Variants in PALLD observed in about 807,000 individuals in gnomAD.
PALLD encodes palladin, cytoskeletal associated protein.
Under a neutral mutation model 123.5 loss-of-function variants are expected in PALLD, and 61 were observed. The ratio of observed to expected loss-of-function variants is 0.49; its 90% confidence interval spans 0.40 to 0.61. The LOEUF (loss-of-function observed/expected upper bound fraction) is 0.61. PALLD is among the 20% of genes least tolerant of loss of function. PALLD has a pLI of 0.00. For synonymous variants in PALLD, 465 were observed against 496.4 expected (o/e 0.94, Z 0.84); for missense variants, 1,273 against 1,377.0 (o/e 0.92, Z 1.20).
chr4:168,693,067 T>A (rs1380557611), intron 8 of PALLD, among the ~76,000 whole-genome samples: 1 of 152,212 alleles, frequency 6.6e-6, no homozygotes, highest in East Asian at 1.9e-4. Flanking sequence ...CTTCATCACT[T>A]ATCCTACATA....
chr4:168,888,025 T>C (rs1228371611), intron 10 of PALLD, among the ~76,000 whole-genome samples: 2 of 152,144 alleles, frequency 1.3e-5, no homozygotes, highest in Non-Finnish European at 2.9e-5. Flanking sequence ...GGACATCCTT[T>C]CCAAGGAGTC....
At chr4:168,639,619 C>A (rs1450460917) in intron 2 of PALLD, among the ~76,000 whole-genome samples, 1 of 151,390 alleles carries the variant, frequency 6.6e-6, no homozygotes, top group African/African-American at 2.4e-5. Flanking sequence ...TCTTGGCTCA[C>A]TGCAAGCTCC....
chr4:168,529,237 T>C (rs1402661503), intron 2 of PALLD, among the ~76,000 whole-genome samples: 1 of 151,722 alleles, frequency 6.6e-6, no homozygotes, highest in Non-Finnish European at 1.5e-5. Flanking sequence ...CTCTGGAGAC[T>C]AAGGCAAGAG....
chr4:168,663,834 C>A (rs1779362175), intron 2 of PALLD, among the ~76,000 whole-genome samples: 1 of 152,094 alleles, frequency 6.6e-6, no homozygotes, highest in South Asian at 2.1e-4. Flanking sequence ...AACTAGAAAT[C>A]AACTACTTCT....
chr4:168,557,031 G>GTTTTTGTTTTGTTTTGTTT (rs1767386507), intron 2 of PALLD, among the ~76,000 whole-genome samples: 1 of 77,342 alleles, frequency 1.3e-5, no homozygotes, highest in Non-Finnish European at 3.0e-5. Context: ...ATTTCCACTT[G>GTTTTTGTTTTGTTTTGTTT]TTTTTGTTTT....
rs886059211 is a variant in PALLD, at chr4:168,927,001, AT to A, written c.*829del. On this transcript the variant is annotated 3_prime_UTR_variant, in exon 22 of 22. Coordinates refer to ENST00000505667, the MANE Select transcript of PALLD (RefSeq NM_001166108.2). Reference sequence around the variant, plus strand: ...CAAGGTTAATACCTTAGTTCTTAACATTTTTTTTCTTTATGTGTAGTGTTTT... The same window carrying A: ...CAAGGTTAATACCTTAGTTCTTAACATTTTTTTCTTTATGTGTAGTGTTTT... 2.6e-4 allele frequency: 58 copies of A among 219,050 alleles called. No individual in the cohort carries two copies. Among genetic ancestry groups the A allele is most frequent in the Non-Finnish European group, 1.4e-4 (15 of 108,792 alleles). 13.6% of individuals were successfully genotyped at this position (219,050 alleles called of 1,614,324 possible). A position where few individuals can be genotyped will look rare whatever the true frequency, so the allele number is the denominator to read the frequency against.
In PALLD at chr4:168,918,276, T is replaced by C. The variant is rs569164156; in HGVS notation, c.2850+2249T>C. On this transcript the variant is annotated intron_variant, in intron 17 of 21. Coordinates refer to ENST00000505667, the MANE Select transcript of PALLD (RefSeq NM_001166108.2). ...GCAGCACTATTCATAATAGCCAGGA[T>C]ACGGGATCAGCCTAAGTGTCAACAG... Among the ~76,000 whole-genome samples the C allele has an allele frequency of 8.3e-4, 126 of 151,032 alleles. 1 individual carries two copies. Among genetic ancestry groups the C allele is most frequent in the African/African-American group, 2.7e-3 (111 of 41,270 alleles).
At chr4:168,668,557 A>G (rs1254099985) in intron 3 of PALLD, among the ~76,000 whole-genome samples, 189 bp downstream of exon 3, 3 of 152,240 alleles carry the variant, frequency 2.0e-5, no homozygotes, top group African/African-American at 7.2e-5. Flanking sequence ...ACTATCTCTG[A>G]TGTCAACATT....
intron 10 of PALLD, among the ~76,000 whole-genome samples, chr4:168,728,014 G>T (rs2150294986): frequency 6.6e-6 from 1 of 150,926 alleles, no homozygotes; most frequent in Non-Finnish European, 1.5e-5. Context: ...AAGATCAAAT[G>T]GTTGTTTGTG....
At chr4:168,609,345 CAA>C (rs5863949) in intron 2 of PALLD, among the ~76,000 whole-genome samples, 2 of 71,590 alleles carry the variant, frequency 2.8e-5, no homozygotes, top group Admixed American at 1.7e-4. Context: ...AAGCTGTTAC[CAA>C]AAAAAAAAAA....
chr4:168,701,005 G>A (rs912737474), intron 8 of PALLD: 1 of 152,136 alleles, frequency 6.6e-6, no homozygotes, highest in African/African-American at 2.4e-5. Context: ...TCAATAGATA[G>A]ATAGATATTA....
At chr4:168,647,353 CTG>C (rs1561345279) in intron 2 of PALLD, among the ~76,000 whole-genome samples, 2 of 152,138 alleles carry the variant, frequency 1.3e-5, no homozygotes, top group Non-Finnish European at 2.9e-5. Flanking sequence ...CTACAATGGA[CTG>C]TGTTTTTTCT....
rs114013237 is a variant in PALLD at position 168,784,426 on chromosome 4, G to A, written c.1964+72503G>A. Among the ~76,000 whole-genome samples, 793 of 152,298 alleles carry A rather than the reference G, an allele frequency of 5.2e-3. 7 individuals carry two copies. The highest frequency in any genetic ancestry group is 0.017 in the African/African-American group (722 of 41,564). ...GCCACTGCAGGAGTGAGGAAGCCACGTGGGAGAATTATTTTGTGGGAAAAG... is the reference window on the plus strand; with the variant it reads ...GCCACTGCAGGAGTGAGGAAGCCACATGGGAGAATTATTTTGTGGGAAAAG... On this transcript the variant is annotated intron_variant, in intron 10 of 21. Transcript: ENST00000505667.
intron 2 of PALLD, among the ~76,000 whole-genome samples, chr4:168,537,347 C>A (rs1276888757): frequency 6.6e-6 from 1 of 152,152 alleles, no homozygotes; most frequent in Non-Finnish European, 1.5e-5. Flanking sequence ...TTTGGTTACA[C>A]AAACATACTG....
chr4:168,729,694 A>T (rs1021743852), intron 10 of PALLD, among the ~76,000 whole-genome samples: 3 of 151,950 alleles, frequency 2.0e-5, no homozygotes, highest in Non-Finnish European at 4.4e-5. Flanking sequence ...AGTGCCATAT[A>T]TTTCACTTTT....
At chr4:168,912,061 T>A (rs1759079405) in intron 15 of PALLD, among the ~76,000 whole-genome samples, 1 of 151,984 alleles carries the variant, frequency 6.6e-6, no homozygotes, top group Admixed American at 6.6e-5. Context: ...CCAGTTAGAG[T>A]CCTGCCCTTC....
chr4:168,780,100 T>C (rs2150546084), intron 10 of PALLD, among the ~76,000 whole-genome samples: 1 of 152,274 alleles, frequency 6.6e-6, no homozygotes, highest in East Asian at 1.9e-4. Context: ...GGTTTCACCA[T>C]GTTAGCCAGG....
intron 10 of PALLD, among the ~76,000 whole-genome samples, chr4:168,798,020 G>A (rs546665947): frequency 6.6e-6 from 1 of 152,076 alleles, no homozygotes; most frequent in Non-Finnish European, 1.5e-5. Context: ...ATTCAAAATT[G>A]CACACAAACA....
chr4:168,712,343 A>G, intron 10 of PALLD: 1 of 245,230 alleles, frequency 4.1e-6, no homozygotes. Context: ...GATATAGACA[A>G]GCGGGGAAAG....
Sources: gnomAD v4.1 joint callset for allele counts (sites outside exome capture counted in the v4.1 genomes callset) on GRCh38, gnomAD v4.1.1 for gene constraint, MANE v1.5 for transcripts, NCBI Gene and HGNC (gene_info 2026-07-23, HGNC 2026-07-21) for gene names.